The following TMEM255B variants were observed in gnomAD, a reference collection of about 807,000 sequenced individuals.
TMEM255B encodes family with sequence similarity 70, member B.
Under a neutral mutation model 34.5 loss-of-function variants are expected in TMEM255B, and 35 were observed. That is an observed-to-expected ratio of 1.01 (90% CI 0.77 to 1.34). The LOEUF is 1.34. Ranked by LOEUF, TMEM255B falls within the 40% of genes most tolerant of loss-of-function variation. The pLI is 0.00. For synonymous variants in TMEM255B, 206 were observed against 201.2 expected (o/e 1.02, Z -0.20); for missense variants, 432 against 433.2 (o/e 1.00, Z 0.02).
At chr13:113,801,179 C>A (rs951400897) in intron 6 of TMEM255B, among the ~76,000 whole-genome samples, 1 of 152,214 alleles carries the variant, frequency 6.6e-6, no homozygotes, top group East Asian at 1.9e-4. Context: ...GACATTGAGT[C>A]CATTTCACAG....
chr13:113,801,515 G>A (rs945710236), intron 6 of TMEM255B, 138 bp from the exon 7 acceptor site: 3 of 1,011,922 alleles, frequency 3.0e-6, no homozygotes, highest in Non-Finnish European at 4.2e-6. Flanking sequence ...CCAGAGCAGT[G>A]CAGGGATGGG....
At chr13:113,807,687 G>A (rs9577881) in intron 8 of TMEM255B, among the ~76,000 whole-genome samples, 1 of 138,260 alleles carries the variant, frequency 7.2e-6, no homozygotes, top group Non-Finnish European at 1.5e-5. Context: ...CCCGTCACAC[G>A]CAGGCTTACG....
intron 3 of TMEM255B, among the ~76,000 whole-genome samples, chr13:113,794,364 GCCCT>G (rs2050883932): frequency 1.3e-5 from 2 of 151,990 alleles, no homozygotes; most frequent in African/African-American, 4.8e-5. Flanking sequence ...CGAGCCACAG[GCCCT>G]CCCTCTGCTG....
chr13:113,782,676 G>GT lies in TMEM255B; in HGVS notation c.253-12472_253-12471insT, dbSNP rs961888789. 6.3e-4 allele frequency among the ~76,000 whole-genome samples: 74 copies of GT among 116,704 alleles called. No homozygotes were observed. The East Asian group carries it at 8.4e-3, about 13-fold the overall frequency. 76.6% of individuals were successfully genotyped at this position (116,704 alleles called of 152,430 possible). A position where few individuals can be genotyped will look rare whatever the true frequency, so the allele number is the denominator to read the frequency against. On this transcript the variant is annotated intron_variant, in intron 3 of 8. Coordinates refer to ENST00000375353, the MANE Select transcript of TMEM255B (RefSeq NM_182614.4). Reference sequence around the variant, plus strand: ...GAGATTTCCTCCTGTGATGGTCGGAGGGGGGGGCTTCATTATGAGCCCCAC... The same window carrying GT: ...GAGATTTCCTCCTGTGATGGTCGGAGTGGGGGGGCTTCATTATGAGCCCCAC...
At chr13:113,798,674 GGAT>G (rs1356204423) in intron 4 of TMEM255B, among the ~76,000 whole-genome samples, 1 of 150,834 alleles carries the variant, frequency 6.6e-6, no homozygotes, top group Non-Finnish European at 1.5e-5. Context: ...GATAATGGAT[GGAT>G]GATGGGTGGA....
chr13:113,788,530 CCT>C (rs2050778218), intron 3 of TMEM255B, among the ~76,000 whole-genome samples: 1 of 152,042 alleles, frequency 6.6e-6, no homozygotes, highest in South Asian at 2.1e-4. Context: ...CTGGTGGCTC[CCT>C]GTGTCTCCTC....
rs1480938944 is a variant in TMEM255B at position 113,776,011 on chromosome 13, G to A, written c.252+6851G>A. Among the ~76,000 whole-genome samples, 72 of 152,266 alleles carry A rather than the reference G, an allele frequency of 4.7e-4. 1 individual carries two copies. Among genetic ancestry groups the A allele is most frequent in the Non-Finnish European group, 2.9e-4 (20 of 68,002 alleles). ...CCTGTGAGCTGAAGCTGAGTCTTCCGGGCCGCCCCTCCTGGACCGTGGTGG... is the reference window on the plus strand; with the variant it reads ...CCTGTGAGCTGAAGCTGAGTCTTCCAGGCCGCCCCTCCTGGACCGTGGTGG... On this transcript the variant is annotated intron_variant, in intron 3 of 8. Transcript: ENST00000375353.
At chr13:113,802,081 G>T (rs2051076676) in intron 7 of TMEM255B, among the ~76,000 whole-genome samples, 1 of 152,236 alleles carries the variant, frequency 6.6e-6, no homozygotes, top group Non-Finnish European at 1.5e-5. Context: ...ACAATGTTCA[G>T]CTCCAAGAGG....
At chr13:113,808,680 TG>T (rs1233484108) in intron 8 of TMEM255B, among the ~76,000 whole-genome samples, 1 of 146,732 alleles carries the variant, frequency 6.8e-6, no homozygotes, top group East Asian at 2.1e-4. Flanking sequence ...CTGTGGTTAC[TG>T]GGGGTTTACT....
intron 3 of TMEM255B, among the ~76,000 whole-genome samples, chr13:113,780,867 A>T (rs2050656301): frequency 1.3e-5 from 2 of 152,244 alleles, no homozygotes; most frequent in African/African-American, 4.8e-5. Context: ...TGTGGCACAC[A>T]ATAATTTTAA....
chr13:113,804,804 G>T, intron 7 of TMEM255B, 81 bp from the exon 8 acceptor site: 1 of 1,335,126 alleles, frequency 7.5e-7, no homozygotes, highest in South Asian at 1.4e-5. Flanking sequence ...GGTCGAGGGT[G>T]CTGGGCTTTC....
chr13:113,793,126 G>T (rs1594147463), intron 3 of TMEM255B, among the ~76,000 whole-genome samples: 1 of 152,212 alleles, frequency 6.6e-6, no homozygotes, highest in Admixed American at 6.5e-5. Context: ...GGAGGTGGAG[G>T]GGGGATGCGA....
intron 4 of TMEM255B, among the ~76,000 whole-genome samples, chr13:113,795,680 A>G (rs1319296874): frequency 7.0e-6 from 1 of 143,728 alleles, no homozygotes. Context: ...CACACAACAC[A>G]CAGAGCACAC....
Position 113,808,801 on chromosome 13 carries a change from G to GGT in TMEM255B, c.814-2934_814-2933dup, listed in dbSNP as rs2051239003. Among the ~76,000 whole-genome samples the GGT allele has an allele frequency of 5.8e-5, 6 of 102,964 alleles. No individual in the cohort carries two copies. The South Asian group carries it at 2.1e-3, about 36-fold the overall frequency. 67.5% of individuals were successfully genotyped at this position (102,964 alleles called of 152,430 possible). A position where few individuals can be genotyped will look rare whatever the true frequency, so the allele number is the denominator to read the frequency against. On this transcript the variant is annotated intron_variant, in intron 8 of 8. Transcript: ENST00000375353. ...GTAACTCTGTGGTTCCTGGGGGGGG[G>GGT]GTTACTCCATGTTTCCTGGGGGTTT...
In TMEM255B at chr13:113,759,319, A is replaced by G. The variant is rs2140793372; in HGVS notation, c.46+4A>G. ...CTGGGCCTGCTGGACCCCGCAGGTGAGCGCGGGGCTGGGGGCTCGTCTCGG... is the reference window on the plus strand; with the variant it reads ...CTGGGCCTGCTGGACCCCGCAGGTGGGCGCGGGGCTGGGGGCTCGTCTCGG... On this transcript the variant is annotated splice_donor_region_variant and intron_variant, in intron 1 of 8. Transcript: ENST00000375353. 8.1e-7 allele frequency: 1 copy of G among 1,229,234 alleles called. No homozygotes were observed. Among genetic ancestry groups the G allele is most frequent in the African/African-American group, 1.6e-5 (1 of 64,288 alleles). 76.1% of individuals were successfully genotyped at this position (1,229,234 alleles called of 1,614,324 possible).
intron 6 of TMEM255B, among the ~76,000 whole-genome samples, chr13:113,801,293 T>C (rs1365702960): frequency 2.6e-5 from 4 of 152,214 alleles, no homozygotes; most frequent in East Asian, 3.9e-4. Context: ...GCCCCAGGCA[T>C]GGCCCCCTCT....
intron 3 of TMEM255B, among the ~76,000 whole-genome samples, chr13:113,771,619 C>T (rs944560004): frequency 4.6e-5 from 7 of 152,054 alleles, no homozygotes; most frequent in South Asian, 2.1e-4. Flanking sequence ...GCAGAGGTTG[C>T]GGTGAGCCGA....
chr13:113,787,207 C>T (rs544084025), intron 3 of TMEM255B, among the ~76,000 whole-genome samples: 5 of 152,308 alleles, frequency 3.3e-5, no homozygotes, highest in Admixed American at 6.5e-5. Flanking sequence ...GGGGTGTTTT[C>T]GGAAGAGCTA....
intron 3 of TMEM255B, among the ~76,000 whole-genome samples, chr13:113,792,055 T>C (rs558404419): frequency 5.9e-5 from 9 of 152,352 alleles, no homozygotes; most frequent in African/African-American, 1.9e-4. Context: ...GGAGGCCGGC[T>C]TTCATCTTCC....
Sources: allele counts gnomAD v4.1 joint callset (sites outside exome capture counted in the v4.1 genomes callset), GRCh38; gene constraint gnomAD v4.1.1; transcripts MANE v1.5; gene names NCBI Gene and HGNC (gene_info 2026-07-23, HGNC 2026-07-21).